Variants in KCTD1 observed in about 807,000 individuals in gnomAD.
KCTD1 encodes the protein BTB/POZ domain-containing protein KCTD1.
Under a neutral mutation model 66.0 loss-of-function variants are expected in KCTD1, and 24 were observed. The ratio of observed to expected loss-of-function variants is 0.36; its 90% CI spans 0.26 to 0.51. The LOEUF (loss-of-function observed/expected upper bound fraction) is 0.51, where lower values mean the gene tolerates loss of function less well. KCTD1 is among the 20% of genes least tolerant of loss of function. The pLI, the probability that KCTD1 is intolerant of heterozygous loss-of-function variation, is 0.95. For missense variants in KCTD1, 943 were observed against 1,205.2 expected (o/e 0.78, Z 3.22); for synonymous variants, 511 against 517.2 (o/e 0.99, Z 0.16).
intron 1 of KCTD1, among the ~76,000 whole-genome samples, chr18:26,638,185 T>A (rs1987763104): frequency 6.6e-6 from 1 of 152,242 alleles, no homozygotes; most frequent in Non-Finnish European, 1.5e-5. Context: ...ATAGAGCATC[T>A]TTCATTTATC....
At chr18:26,633,321 C>T (rs1051269473), upstream of KCTD1, among the ~76,000 whole-genome samples, 2 of 151,882 alleles carry the variant, frequency 1.3e-5, no homozygotes, top group African/African-American at 4.8e-5. Flanking sequence ...AATACATTCC[C>T]CAGAGAGTAA....
intron 1 of KCTD1, among the ~76,000 whole-genome samples, chr18:26,595,256 T>C (rs1398470411): frequency 6.6e-6 from 1 of 152,198 alleles, no homozygotes; most frequent in Non-Finnish European, 1.5e-5. Context: ...ACATTTCTTA[T>C]TTCCAACTTC....
At chr18:26,642,686 T>A (rs952072244), upstream of KCTD1, among the ~76,000 whole-genome samples, 3 of 152,124 alleles carry the variant, frequency 2.0e-5, no homozygotes, top group African/African-American at 7.2e-5. Flanking sequence ...TTACATTTGG[T>A]GTTTGAGGTC....
chr18:26,643,744 C>T (rs181913533), upstream of KCTD1, among the ~76,000 whole-genome samples: 128 of 152,276 alleles, frequency 8.4e-4, no homozygotes, highest in Middle Eastern at 3.4e-3. Flanking sequence ...GGGCATATCA[C>T]GAGGTCAGGA....
At chr18:26,616,141 C>CTTTTTTT (rs11354165) in intron 1 of KCTD1, among the ~76,000 whole-genome samples, 1 of 138,070 alleles carries the variant, frequency 7.2e-6, no homozygotes, top group Non-Finnish European at 1.5e-5. Context: ...TTAAGTGTTT[C>CTTTTTTT]TTTTTTTTTT....
chr18:26,619,359 T>C (rs182880151), intron 1 of KCTD1, among the ~76,000 whole-genome samples: 51 of 152,322 alleles, frequency 3.3e-4, no homozygotes, highest in African/African-American at 1.2e-3. Context: ...CTTTTGGCAA[T>C]AGAAAAGTAA....
chr18:26,462,913 A>T (rs1452376526), intron 3 of KCTD1, among the ~76,000 whole-genome samples: 2 of 152,132 alleles, frequency 1.3e-5, no homozygotes, highest in Admixed American at 1.3e-4. Context: ...CTAATCTGGC[A>T]ATGTCCTTTC....
At chr18:26,539,981 T>A (rs987336904) in intron 1 of KCTD1, among the ~76,000 whole-genome samples, 1 of 152,154 alleles carries the variant, frequency 6.6e-6, no homozygotes, top group African/African-American at 2.4e-5. Context: ...AAATTCAATT[T>A]AAAAAATATA....
intron 2 of KCTD1, among the ~76,000 whole-genome samples, chr18:26,498,041 G>A (rs966417835): frequency 1.3e-5 from 2 of 152,200 alleles, no homozygotes; most frequent in South Asian, 2.1e-4. Context: ...GTTGGGCACA[G>A]GGCCACGGTG....
In KCTD1 at chr18:26,517,765, C is replaced by A. The variant is rs1598912715; in HGVS notation, c.1810-16515G>T. On this transcript the variant is annotated intron_variant, in intron 1 of 4. Transcript: ENST00000580059. ...TTTCACTTCCACCATGACTGTGAGG[C>A]CTCCCCAGTTACGTGGAACTGTAAG... Among the ~76,000 whole-genome samples the A allele has an allele frequency of 3.3e-5, 5 of 152,020 alleles. No individual in the cohort carries two copies. In the South Asian group the frequency reaches 1.0e-3, roughly 32 times the overall value.
At chr18:26,616,029 G>A (rs1027460172) in intron 1 of KCTD1, among the ~76,000 whole-genome samples, 6 of 152,260 alleles carry the variant, frequency 3.9e-5, no homozygotes, top group African/African-American at 1.4e-4. Flanking sequence ...GATCTCAGGT[G>A]ATCCGCCTGC....
At chr18:26,616,004 T>C (rs1368430523) in intron 1 of KCTD1, among the ~76,000 whole-genome samples, 1 of 152,174 alleles carries the variant, frequency 6.6e-6, no homozygotes, top group Non-Finnish European at 1.5e-5. Context: ...TTGGCCAGGC[T>C]GGTCTTGAAC....
chr18:26,549,589 T>G, upstream of KCTD1: 3 of 511,294 alleles, frequency 5.9e-6, no homozygotes, highest in Non-Finnish European at 7.5e-6. Context: ...GTGACACAAC[T>G]CCCTCGGGCG....
At position 26,637,928 on chromosome 18, in the gene KCTD1, T is replaced by C. The variant is rs78907250; in HGVS notation, c.-107+2383A>G. On this transcript the variant is annotated intron_variant, in intron 1 of 5. Transcript: ENST00000579973. Reference sequence around the variant, plus strand: ...TGCAGTGACTGGCACTTTGTGGCTATTGTTATCATTTTTGTAACGTTAGAC... The same window carrying C: ...TGCAGTGACTGGCACTTTGTGGCTACTGTTATCATTTTTGTAACGTTAGAC... Among the ~76,000 whole-genome samples, 1,050 of 152,360 alleles carry C rather than the reference T, an allele frequency of 6.9e-3. 18 individuals are homozygous for C. Among genetic ancestry groups the C allele is most frequent in the African/African-American group, 0.024 (1,003 of 41,582 alleles).
chr18:26,557,347 T>TA, intron 1 of KCTD1, among the ~76,000 whole-genome samples: 1 of 152,342 alleles, frequency 6.6e-6, no homozygotes, highest in African/African-American at 2.4e-5. Context: ...AGTGCTGTGA[T>TA]ACTTTGGATA....
chr18:26,458,525 A>G (rs897970888), intron 4 of KCTD1: 3 of 152,216 alleles, frequency 2.0e-5, no homozygotes, highest in African/African-American at 7.2e-5. Context: ...CCCATCAGCA[A>G]GACAGAGAGG....
upstream of KCTD1, chr18:26,548,696 G>A: frequency 9.9e-7 from 1 of 1,013,406 alleles, no homozygotes; most frequent in Non-Finnish European, 1.2e-6. Context: ...AGCTCCGGAG[G>A]GGCAGCGGCG....
intron 1 of KCTD1, among the ~76,000 whole-genome samples, chr18:26,509,607 T>C (rs1983231467): frequency 6.6e-6 from 1 of 152,130 alleles, no homozygotes; most frequent in Non-Finnish European, 1.5e-5. Context: ...GCTAAAATCA[T>C]CTAAAATTAA....
At chr18:26,586,484 CT>C (rs1986474998) in intron 1 of KCTD1, among the ~76,000 whole-genome samples, 1 of 152,208 alleles carries the variant, frequency 6.6e-6, no homozygotes, top group Admixed American at 6.5e-5. Flanking sequence ...ACTAATAACC[CT>C]ACAATGGTCT....
Sources: gnomAD v4.1 joint callset for allele counts (sites outside exome capture counted in the v4.1 genomes callset) on GRCh38, gnomAD v4.1.1 for gene constraint, MANE v1.5 for transcripts, NCBI Gene and HGNC (gene_info 2026-07-23, HGNC 2026-07-21) for gene names.